MAST4: variants seen among roughly 807,000 people sequenced by gnomAD.
MAST4 encodes the protein microtubule associated serine/threonine kinase family member 4, also known as microtubule-associated serine/threonine-protein kinase 4.
In MAST4, 89 loss-of-function variants were observed where a neutral mutation model predicts 162.7. That is an observed-to-expected ratio of 0.55 (90% CI 0.46 to 0.65). The LOEUF (loss-of-function observed/expected upper bound fraction) is 0.65, where lower values mean the gene tolerates loss of function less well. MAST4 is among the 30% of genes least tolerant of loss of function. The pLI is 0.00. For missense variants in MAST4, 3,153 were observed against 3,374.0 expected (o/e 0.93, Z 1.62); for synonymous variants, 1,479 against 1,361.1 (o/e 1.09, Z -1.91).
chr5:66,880,260 A>G (rs532588107), intron 3 of MAST4, among the ~76,000 whole-genome samples: 23 of 152,320 alleles, frequency 1.5e-4, no homozygotes, highest in African/African-American at 5.1e-4. Context: ...GATATTACAT[A>G]TTTGCTCATA....
chr5:67,052,957 C>T (rs1410867549), intron 4 of MAST4, among the ~76,000 whole-genome samples: 2 of 152,162 alleles, frequency 1.3e-5, no homozygotes, highest in Non-Finnish European at 2.9e-5. Context: ...ACCAATCAGA[C>T]TGTCTGATTT....
chr5:66,717,019 G>A (rs902249711), intron 1 of MAST4, among the ~76,000 whole-genome samples: 3 of 152,150 alleles, frequency 2.0e-5, no homozygotes, highest in African/African-American at 4.8e-5. Context: ...GGAGACCAGC[G>A]CTTCTGATCC....
chr5:67,131,695 C>CTA (rs1768987616), intron 15 of MAST4, 118 bp from the exon 16 acceptor site: 1 of 943,286 alleles, frequency 1.1e-6, no homozygotes, highest in Non-Finnish European at 1.6e-6. Flanking sequence ...CCAGTTGTGA[C>CTA]TATGATATGC....
At chr5:67,130,086 T>G (rs1768779719) in intron 14 of MAST4, 124 bp from the exon 15 acceptor site, 8 of 805,180 alleles carry the variant, frequency 9.9e-6, no homozygotes, top group Non-Finnish European at 1.4e-5. Context: ...CCAGCTTGTG[T>G]GAGCTACATT....
intron 1 of MAST4, among the ~76,000 whole-genome samples, chr5:66,707,314 C>T (rs1346778647): frequency 6.6e-6 from 1 of 152,172 alleles, no homozygotes; most frequent in Non-Finnish European, 1.5e-5. Context: ...ACACCAGGTG[C>T]TGTGATAGTA....
At chr5:66,729,101 G>A (rs1751689411) in intron 1 of MAST4, among the ~76,000 whole-genome samples, 1 of 152,214 alleles carries the variant, frequency 6.6e-6, no homozygotes, top group Admixed American at 6.5e-5. Flanking sequence ...AAAAGGGAAA[G>A]AAGTGCAACA....
chr5:66,839,242 G>A (rs764171349), intron 3 of MAST4, among the ~76,000 whole-genome samples: 22 of 152,110 alleles, frequency 1.4e-4, no homozygotes, highest in Non-Finnish European at 5.9e-5. Context: ...GAATTAGTTC[G>A]TTCTGTGAAT....
At chr5:66,963,678 A>C (rs1259454909) in intron 4 of MAST4, 1 of 779,582 alleles carries the variant, frequency 1.3e-6, no homozygotes, top group Non-Finnish European at 2.4e-6. Context: ...CAATTCTCCC[A>C]CTTGGAATGA....
At chr5:66,616,105 C>T (rs1309517126) in intron 1 of MAST4, among the ~76,000 whole-genome samples, 1 of 152,172 alleles carries the variant, frequency 6.6e-6, no homozygotes. Context: ...AATAAATGCA[C>T]AGAGGAAAAC....
intron 1 of MAST4, among the ~76,000 whole-genome samples, chr5:66,613,833 C>CA (rs1252535500): frequency 4.0e-5 from 6 of 151,676 alleles, no homozygotes; most frequent in African/African-American, 9.7e-5. Flanking sequence ...TAAACAAAAC[C>CA]AAAAAAAACT....
intron 3 of MAST4, among the ~76,000 whole-genome samples, chr5:66,856,781 A>C (rs1759716728): frequency 6.6e-6 from 1 of 152,198 alleles, no homozygotes; most frequent in Admixed American, 6.5e-5. Context: ...ATTAAATTAG[A>C]CTGTCCTCTT....
chr5:66,751,471 C>G (rs1561305585), intron 1 of MAST4, among the ~76,000 whole-genome samples: 1 of 152,080 alleles, frequency 6.6e-6, no homozygotes, highest in Non-Finnish European at 1.5e-5. Context: ...AGCTGAAAAC[C>G]AAGGCTCGAG....
At chr5:67,153,862 A>G (rs778223675) in intron 26 of MAST4, among the ~76,000 whole-genome samples, 46 of 152,234 alleles carry the variant, frequency 3.0e-4, no homozygotes, top group Non-Finnish European at 5.4e-4. Context: ...AGTGACATCT[A>G]TTTGGAGAGT....
In MAST4 at chr5:66,942,706, C is replaced by A. The variant is rs191326169; in HGVS notation, c.674+42724C>A. Among the ~76,000 whole-genome samples, 46 of 152,182 alleles carry A rather than the reference C, an allele frequency of 3.0e-4. No individual in the cohort carries two copies. In the East Asian group the frequency reaches 8.1e-3, roughly 27 times the overall value. ...ATCTCTTCCTGTCATGATAAAGTAG[C>A]CATGATCGATGTCATGCTTCCAATG... On this transcript the variant is annotated intron_variant, in intron 4 of 28. Transcript: ENST00000403625.
intron 3 of MAST4, among the ~76,000 whole-genome samples, chr5:66,869,229 A>C (rs1297400720): frequency 6.6e-6 from 1 of 152,234 alleles, no homozygotes; most frequent in Non-Finnish European, 1.5e-5. Flanking sequence ...ACCTTCTGAT[A>C]AACCATTAAG....
At chr5:66,727,696 G>A (rs1244027101) in intron 1 of MAST4, among the ~76,000 whole-genome samples, 1 of 152,128 alleles carries the variant, frequency 6.6e-6, no homozygotes, top group Admixed American at 6.5e-5. Flanking sequence ...TTTGGAGGGA[G>A]GGGAGAGGGC....
intron 4 of MAST4, among the ~76,000 whole-genome samples, chr5:66,986,760 G>A (rs1324010886): frequency 6.6e-6 from 1 of 151,746 alleles, no homozygotes; most frequent in Non-Finnish European, 1.5e-5. Context: ...GACTACAGGT[G>A]CACATCACCA....
intron 7 of MAST4, 39 bp from the exon 8 acceptor site, chr5:67,100,396 T>C: frequency 3.1e-6 from 5 of 1,608,532 alleles, no homozygotes; most frequent in Non-Finnish European, 4.3e-6. Flanking sequence ...AGAGTTTCTT[T>C]CTGAGGTAGT....
Position 66,596,879 on chromosome 5 carries a change from C to T in MAST4, c.224C>T (p.Ala75Val). 1 of 1,295,926 alleles carries T rather than the reference C, an allele frequency of 7.7e-7. No homozygotes were observed. The highest frequency in any genetic ancestry group is 2.7e-5 in the South Asian group (1 of 37,422). The allele number at this position is 1,295,926 out of a possible 1,614,324, so 80.3% of individuals were successfully genotyped here. A position where few individuals can be genotyped will look rare whatever the true frequency, so the allele number is the denominator to read the frequency against. The change falls in exon 1 of 29, where the codon GCC becomes GTC. Residue 75 changes from alanine to valine, a missense_variant. Physicochemically the swap from Ala to Val is moderately conservative, Grantham distance 64. Around this residue, in one of 7 missense-constraint regions of MAST4, gnomAD observed 327 missense variants for 336.5 expected, o/e 0.97. Transcript: ENST00000403625. ...CCGCCGTTGGGAGGCACCCTGGGCGCCCGGGCGCCCGCCGCGTGGGCTCCG... is the reference window on the plus strand; with the variant it reads ...CCGCCGTTGGGAGGCACCCTGGGCGTCCGGGCGCCCGCCGCGTGGGCTCCG... ...PPPPLGGTLG[A>V]RAPAAWAPAS... is the part of the protein sequence containing the mutation.
Sources: gnomAD v4.1 joint callset for allele counts (sites outside exome capture counted in the v4.1 genomes callset) on GRCh38, gnomAD v4.1.1 for gene constraint, gnomAD v4.1.1 regional missense constraint, MANE v1.5 for transcripts, NCBI Gene and HGNC (gene_info 2026-07-23, HGNC 2026-07-21) for gene names.